The following ITPK1 variants were observed in gnomAD, a reference collection of about 807,000 sequenced individuals.
The protein encoded by ITPK1 is inositol 1,3,4-trisphosphate 5/6-kinase.
A neutral mutation model predicts 45.3 loss-of-function variants in ITPK1; 21 were observed. The ratio of observed to expected loss-of-function variants is 0.46; its 90% CI spans 0.33 to 0.67. ITPK1 has a LOEUF of 0.67. ITPK1 is among the 30% of genes least tolerant of loss of function. The pLI is 0.02. For synonymous variants in ITPK1, 258 were observed against 253.6 expected, an observed-to-expected ratio of 1.02 and a Z score of -0.16; for missense variants, 474 against 573.5, an observed-to-expected ratio of 0.83 and a Z score of 1.77.
chr14:92,942,003 A>C, intron 10 of ITPK1, 99 bp from the exon 11 acceptor site: 1 of 1,026,142 alleles, frequency 9.7e-7, no homozygotes, highest in Non-Finnish European at 1.5e-6. Context: ...TCCTGGGATG[A>C]GGCAGGGTGT....
rs117760103 is a variant in ITPK1 at position 92,981,836 on chromosome 14, C to T, written c.364+12044G>A. Reference sequence around the variant, plus strand: ...GTAGGGAGGAAGGCACTGAGGCCCACGCAGGGAAGGGAGTGTGCAGCACAG... The same window carrying T: ...GTAGGGAGGAAGGCACTGAGGCCCATGCAGGGAAGGGAGTGTGCAGCACAG... On this transcript the variant is annotated intron_variant, in intron 5 of 10. Coordinates refer to ENST00000267615, the MANE Select transcript of ITPK1 (RefSeq NM_014216.6). 2.3e-4 allele frequency among the ~76,000 whole-genome samples: 35 copies of T among 152,332 alleles called. No homozygotes were observed. The East Asian group carries it at 5.6e-3, about 24-fold the overall frequency.
At chr14:92,974,443 C>T (rs1338284609) in intron 5 of ITPK1, among the ~76,000 whole-genome samples, 1 of 152,198 alleles carries the variant, frequency 6.6e-6, no homozygotes, top group Non-Finnish European at 1.5e-5. Flanking sequence ...TCTATGACAG[C>T]CCTGCCTGGC....
At chr14:93,035,252 A>T (rs1889265541) in intron 3 of ITPK1, among the ~76,000 whole-genome samples, 1 of 152,244 alleles carries the variant, frequency 6.6e-6, no homozygotes, top group South Asian at 2.1e-4. Context: ...GGATGGCCTC[A>T]AGGGCAGACA....
chr14:93,033,533 C>T (rs962531923), intron 3 of ITPK1, among the ~76,000 whole-genome samples: 1 of 152,136 alleles, frequency 6.6e-6, no homozygotes, highest in African/African-American at 2.4e-5. Flanking sequence ...CAACAGTGAC[C>T]ACCCAGGAGT....
chr14:93,021,592 C>T (rs1281286025), intron 3 of ITPK1, among the ~76,000 whole-genome samples: 1 of 140,150 alleles, frequency 7.1e-6, no homozygotes, highest in Non-Finnish European at 1.5e-5. Context: ...GACCCTGTCT[C>T]AAAAAAAAAA....
In ITPK1 at chr14:92,938,211, GCCTC is replaced by G. The variant is rs1190719245; in HGVS notation, c.*3346_*3349del. On this transcript the variant is annotated 3_prime_UTR_variant, in exon 11 of 11. Transcript: ENST00000267615. ...TTGACCTTGTGATCCACCTGCCTCA[GCCTC>G]CCTAAGTGCTGGGATGACAGGCGTG... 3.0e-4 allele frequency: 160 copies of G among 541,216 alleles called. 1 individual carries two copies. Among genetic ancestry groups the G allele is most frequent in the African/African-American group, 1.5e-3 (81 of 52,400 alleles). The allele number at this position is 541,216 out of a possible 1,614,324, so 33.5% of individuals were successfully genotyped here.
intron 2 of ITPK1, among the ~76,000 whole-genome samples, chr14:93,105,607 C>T (rs1179461956): frequency 2.6e-5 from 4 of 151,098 alleles, no homozygotes; most frequent in Admixed American, 6.6e-5. Context: ...CCACAACCTC[C>T]GCCTCCTGAG....
rs1231808127 is a variant in ITPK1 at position 92,939,998 on chromosome 14, C to T, written c.*1563G>A. On this transcript the variant is annotated 3_prime_UTR_variant, in exon 11 of 11. Coordinates refer to ENST00000267615, the MANE Select transcript of ITPK1 (RefSeq NM_014216.6). ...ATTAATCGGGGTTCAAAACTCAAGT[C>T]GTGTAAACGTGGTTAGTTGTTGGGT... 10 of 985,752 alleles carry T rather than the reference C, an allele frequency of 1.0e-5. No individual in the cohort carries two copies. The East Asian group carries it at 7.9e-4, about 78-fold the overall frequency. The allele number at this position is 985,752 out of a possible 1,614,324, so 61.1% of individuals were successfully genotyped here.
intron 10 of ITPK1, among the ~76,000 whole-genome samples, chr14:92,945,686 G>C (rs4905014): frequency 0.018 from 2,761 of 152,302 alleles, 74 homozygotes; most frequent in Admixed American, 0.08. Context: ...TCACACCATC[G>C]TTCCTCATGC....
intron 3 of ITPK1, among the ~76,000 whole-genome samples, chr14:93,054,163 C>A (rs1345245638): frequency 6.6e-6 from 1 of 152,240 alleles, no homozygotes; most frequent in Non-Finnish European, 1.5e-5. Context: ...AGAGTCCCCA[C>A]TTCTAGCAAG....
intron 4 of ITPK1, among the ~76,000 whole-genome samples, chr14:93,011,926 A>C (rs572025055): frequency 7.0e-6 from 1 of 142,868 alleles, no homozygotes; most frequent in East Asian, 2.3e-4. Context: ...GCCTGGCATG[A>C]AAAAGCCCTC....
intron 3 of ITPK1, among the ~76,000 whole-genome samples, chr14:93,074,891 G>A (rs765381434): frequency 1.6e-4 from 24 of 151,264 alleles, no homozygotes; most frequent in Non-Finnish European, 2.7e-4. Context: ...ATCAACCCCT[G>A]TTCCCACCCA....
intron 9 of ITPK1, among the ~76,000 whole-genome samples, chr14:92,951,525 C>T (rs1049188939): frequency 1.3e-5 from 2 of 152,200 alleles, no homozygotes; most frequent in Non-Finnish European, 2.9e-5. Flanking sequence ...GGTAACACTC[C>T]TGCCAGCCTC....
intron 5 of ITPK1, among the ~76,000 whole-genome samples, chr14:92,986,498 T>C (rs988907323): frequency 4.6e-5 from 7 of 152,130 alleles, no homozygotes; most frequent in Non-Finnish European, 1.0e-4. Context: ...CCTAGAAAAG[T>C]GATCGGAGCC....
intron 2 of ITPK1, among the ~76,000 whole-genome samples, chr14:93,110,564 T>C (rs1286595776): frequency 1.3e-5 from 2 of 152,162 alleles, no homozygotes; most frequent in East Asian, 1.9e-4. Flanking sequence ...ACACTCTCAC[T>C]GGCACGCCTC....
At position 93,076,119 on chromosome 14, in the gene ITPK1, A is replaced by G. The variant is rs947910553; in HGVS notation, c.120+476T>C. 4.9e-5 allele frequency among the ~76,000 whole-genome samples: 7 copies of G among 143,366 alleles called. No homozygotes were observed. Among genetic ancestry groups the G allele is most frequent in the African/African-American group, 1.8e-4 (7 of 37,892 alleles). 94.1% of individuals were successfully genotyped at this position (143,366 alleles called of 152,430 possible). On this transcript the variant is annotated intron_variant, in intron 3 of 10. Coordinates refer to ENST00000267615, the MANE Select transcript of ITPK1 (RefSeq NM_014216.6). This position sits in a 1 kb window ranked among gnomAD's most constrained non-coding sequence, Gnocchi z 4.3. ...TCCCTCCATCCTTCCTTCTCCCTCC[A>G]TCTGTCCACCTTTCCCCTCCCTCCA...
At chr14:93,044,414 A>G (rs886495569) in intron 3 of ITPK1, among the ~76,000 whole-genome samples, 9 of 152,240 alleles carry the variant, frequency 5.9e-5, no homozygotes, top group Non-Finnish European at 1.3e-4. Flanking sequence ...TGTGCTGGCG[A>G]TTACTGAGAA....
At chr14:93,067,601 T>C (rs1890812002) in intron 3 of ITPK1, 1 of 151,918 alleles carries the variant, frequency 6.6e-6, no homozygotes, top group Non-Finnish European at 1.5e-5. Flanking sequence ...CGGATAGAAA[T>C]GAAACCACTC....
At chr14:93,109,826 C>CATCGTGGCCT in intron 2 of ITPK1, among the ~76,000 whole-genome samples, 1 of 152,294 alleles carries the variant, frequency 6.6e-6, no homozygotes, top group East Asian at 1.9e-4. Context: ...TCAGTTCAGC[C>CATCGTGGCCT]ATCGTGGCCT....
Sources: allele counts gnomAD v4.1 joint callset (sites outside exome capture counted in the v4.1 genomes callset), GRCh38; gene constraint gnomAD v4.1.1; non-coding constraint Gnocchi (gnomAD v3.1); transcripts MANE v1.5; gene names NCBI Gene and HGNC (gene_info 2026-07-23, HGNC 2026-07-21).